Variants in GPC6 observed in about 807,000 individuals in gnomAD.
GPC6 encodes glypican 6, also known as glypican-6.
A neutral mutation model predicts 55.2 loss-of-function variants in GPC6; 14 were observed. The observed-to-expected ratio is 0.25, with a 90% CI of 0.17 to 0.40. The LOEUF is 0.40. GPC6 is among the 10% of genes least tolerant of loss of function. The pLI is 1.00. For synonymous variants in GPC6, 278 were observed against 259.6 expected (o/e 1.07, Z -0.68); for missense variants, 641 against 708.5 (o/e 0.90, Z 1.08).
At chr13:93,961,768 A>G (rs1470397059) in intron 3 of GPC6, among the ~76,000 whole-genome samples, 1 of 152,062 alleles carries the variant, frequency 6.6e-6, no homozygotes, top group Non-Finnish European at 1.5e-5. Context: ...AGCCAACTTC[A>G]TATGTTTTAG....
chr13:93,961,050 G>A (rs1265673639), intron 3 of GPC6, among the ~76,000 whole-genome samples: 2 of 151,972 alleles, frequency 1.3e-5, no homozygotes, highest in Admixed American at 1.3e-4. Flanking sequence ...TCCTGACCTC[G>A]TGATCCGCCT....
chr13:93,453,592 C>T (rs1031825590), intron 1 of GPC6, among the ~76,000 whole-genome samples: 2 of 117,866 alleles, frequency 1.7e-5, no homozygotes, highest in Non-Finnish European at 3.9e-5. Context: ...GAGTTTGTTC[C>T]TTCTGATGTT....
chr13:93,731,645 T>C (rs1181836437), intron 2 of GPC6, among the ~76,000 whole-genome samples: 6 of 152,168 alleles, frequency 3.9e-5, no homozygotes, highest in Admixed American at 2.0e-4. Context: ...ATTTTAAGTA[T>C]GGAGTATAGA....
chr13:94,071,617 T>C (rs1327600215), intron 4 of GPC6, among the ~76,000 whole-genome samples: 3 of 152,218 alleles, frequency 2.0e-5, no homozygotes, highest in African/African-American at 7.2e-5. Context: ...GCCTGGAATA[T>C]AAATTCATGC....
intron 2 of GPC6, among the ~76,000 whole-genome samples, chr13:93,684,768 AAT>A (rs1310239319): frequency 1.3e-5 from 2 of 152,182 alleles, no homozygotes; most frequent in African/African-American, 4.8e-5. Flanking sequence ...AAATACTCTA[AAT>A]GTTAAAAAAA....
chr13:93,378,712 G>A (rs185936415), intron 1 of GPC6, among the ~76,000 whole-genome samples: 77 of 152,198 alleles, frequency 5.1e-4, no homozygotes, highest in Non-Finnish European at 2.9e-4. Flanking sequence ...TCAGTGTAAA[G>A]AAGCCGGGCG....
chr13:93,701,374 A>G (rs890683360), intron 2 of GPC6, among the ~76,000 whole-genome samples: 3 of 152,002 alleles, frequency 2.0e-5, no homozygotes, highest in African/African-American at 7.2e-5. Flanking sequence ...TAAAAAAAGT[A>G]CATACATTAA....
At chr13:94,267,628 C>T (rs1204908999) in intron 4 of GPC6, among the ~76,000 whole-genome samples, 1 of 152,134 alleles carries the variant, frequency 6.6e-6, no homozygotes, top group African/African-American at 2.4e-5. Flanking sequence ...CTACCATTAC[C>T]ACTCGACACA....
intron 2 of GPC6, among the ~76,000 whole-genome samples, chr13:93,600,343 A>G (rs1338565857): frequency 1.3e-5 from 2 of 152,232 alleles, no homozygotes; most frequent in Admixed American, 6.5e-5. Flanking sequence ...TTTTCAGAGA[A>G]CAGTAAATTC....
At chr13:93,289,525 A>G (rs1878250970) in intron 1 of GPC6, among the ~76,000 whole-genome samples, 1 of 152,204 alleles carries the variant, frequency 6.6e-6, no homozygotes, top group Admixed American at 6.5e-5. Flanking sequence ...AGAACAATTT[A>G]TATGTAGTAT....
chr13:93,715,434 A>G (rs1883218375), intron 2 of GPC6, among the ~76,000 whole-genome samples: 1 of 151,522 alleles, frequency 6.6e-6, no homozygotes, highest in African/African-American at 2.4e-5. Context: ...TAAAGATGGC[A>G]GTAATAGAAA....
intron 2 of GPC6, among the ~76,000 whole-genome samples, chr13:93,789,608 T>TAATACTACATATATATATATAATACTAC (rs3077838): frequency 6.0e-5 from 2 of 33,070 alleles, no homozygotes; most frequent in African/African-American, 2.9e-4. Flanking sequence ...CATATATATA[T>TAATACTACATATATATATATAATACTAC]ATATATATAT....
intron 1 of GPC6, among the ~76,000 whole-genome samples, chr13:93,378,723 C>T (rs1470461301): frequency 3.9e-5 from 6 of 152,062 alleles, no homozygotes; most frequent in East Asian, 3.9e-4. Flanking sequence ...AAGCCGGGCG[C>T]GGTGGCTCAC....
chr13:93,530,115 A>G (rs1373778746), intron 1 of GPC6, among the ~76,000 whole-genome samples: 1 of 152,208 alleles, frequency 6.6e-6, no homozygotes, highest in Admixed American at 6.5e-5. Context: ...TGGCTAAGGA[A>G]TATGGAACCT....
At chr13:93,332,261 C>CT (rs202196621) in intron 1 of GPC6, among the ~76,000 whole-genome samples, 4,069 of 129,878 alleles carry the variant, frequency 0.031, 54 homozygotes, top group Non-Finnish European at 0.039. Flanking sequence ...TTCTGTTTTT[C>CT]TTTTTTTTTT....
At chr13:93,673,467 A>T (rs570910003) in intron 2 of GPC6, among the ~76,000 whole-genome samples, 2 of 152,238 alleles carry the variant, frequency 1.3e-5, no homozygotes, top group African/African-American at 4.8e-5. Context: ...GAGTTGAGAT[A>T]GTGCCACTGC....
intron 3 of GPC6, among the ~76,000 whole-genome samples, chr13:93,904,296 C>A (rs78906243): frequency 6.6e-6 from 1 of 152,026 alleles, no homozygotes; most frequent in Non-Finnish European, 1.5e-5. Flanking sequence ...CCTTACAAAT[C>A]GCAACTGCAG....
intron 2 of GPC6, among the ~76,000 whole-genome samples, chr13:93,707,019 A>T (rs1882876342): frequency 6.6e-6 from 1 of 151,820 alleles, no homozygotes; most frequent in Admixed American, 6.6e-5. Context: ...GAGCTATAGA[A>T]ACAATGTTTC....
intron 4 of GPC6, among the ~76,000 whole-genome samples, chr13:94,094,931 C>T (rs965059396): frequency 6.6e-5 from 10 of 151,958 alleles, no homozygotes; most frequent in Admixed American, 3.3e-4. Context: ...TTTAGTATGT[C>T]GTAAATATTG....
Sources: gnomAD v4.1 joint callset for allele counts (sites outside exome capture counted in the v4.1 genomes callset) on GRCh38, gnomAD v4.1.1 for gene constraint, MANE v1.5 for transcripts, NCBI Gene and HGNC (gene_info 2026-07-23, HGNC 2026-07-21) for gene names.